The following CNTNAP5 variants were observed in gnomAD, a reference collection of about 807,000 sequenced individuals.
CNTNAP5 encodes contactin associated protein family member 5.
A neutral mutation model predicts 150.2 loss-of-function variants in CNTNAP5; 72 were observed. That is an observed-to-expected ratio of 0.48 (90% CI 0.40 to 0.58). The LOEUF (loss-of-function observed/expected upper bound fraction) is 0.58, where lower values mean the gene tolerates loss of function less well. CNTNAP5 is among the 20% of genes least tolerant of loss of function. The probability of loss-of-function intolerance (pLI) is 0.00; values close to 1 mark genes in which losing one functional copy is unlikely to be tolerated. For missense variants in CNTNAP5, 1,636 were observed against 1,626.2 expected, an observed-to-expected ratio of 1.01 and a Z score of -0.10; for synonymous variants, 672 against 619.8, an observed-to-expected ratio of 1.08 and a Z score of -1.25.
chr2:124,909,084 G>A (rs751027978), intron 22 of CNTNAP5, among the ~76,000 whole-genome samples: 1 of 152,114 alleles, frequency 6.6e-6, no homozygotes, highest in East Asian at 1.9e-4. Flanking sequence ...TAAGAGTAAA[G>A]TGTTTATAAA....
intron 12 of CNTNAP5, among the ~76,000 whole-genome samples, chr2:124,637,090 A>C (rs1677986388): frequency 6.6e-6 from 1 of 152,224 alleles, no homozygotes; most frequent in African/African-American, 2.4e-5. Context: ...CATTAATTAA[A>C]TTAATTATCC....
rs934142981 is a variant in CNTNAP5, at chr2:124,446,763, A to C, written c.744A>C (p.Lys248Asn). Residue 248 changes from lysine (K) to asparagine (N), a missense_variant, in exon 6 of 24, where the codon AAA (lysine) becomes AAC (asparagine). Lys to Asn is a moderately conservative substitution (Grantham distance 94). Coordinates refer to ENST00000682447, the MANE Select transcript of CNTNAP5 (RefSeq NM_001367498.1). Reference protein sequence around the residue: ...LALHLNLGDSKARLSSSLPSA... With the variant: ...LALHLNLGDSNARLSSSLPSA... ...CTCCCCTCTTCACAGGTGACAGCAA[A>C]GCGCGGCTCAGCAGCAGCTTGCCCT... is the stretch of plus-strand genomic sequence containing the variant. The C allele has an allele frequency of 6.2e-7, 1 of 1,613,390 alleles. No individual in the cohort carries two copies. Among genetic ancestry groups the C allele is most frequent in the Admixed American group, 1.7e-5 (1 of 59,986 alleles).
Position 124,242,279 on chromosome 2 carries a change from A to G in CNTNAP5, c.267A>G (p.Thr89=), listed in dbSNP as rs1359974184. The part of the protein sequence containing the change: ...QMDLGNRVEI[T]AVATQGRYGS... ...ACCTGGGAAACAGAGTAGAGATTAC[A>G]GCAGTGGCCACGCAGGGAAGATACG... Residue 89 remains threonine (T), a synonymous_variant, in exon 3 of 24, where the codon ACA becomes ACG. Coordinates refer to ENST00000682447, the MANE Select transcript of CNTNAP5 (RefSeq NM_001367498.1). 2 of 1,610,630 alleles carry G rather than the reference A, an allele frequency of 1.2e-6. No individual in the cohort carries two copies. The highest frequency in any genetic ancestry group is 2.2e-5 in the South Asian group (2 of 90,416).
intron 1 of CNTNAP5, among the ~76,000 whole-genome samples, chr2:124,198,324 C>A (rs1292241153): frequency 6.6e-6 from 1 of 152,058 alleles, no homozygotes; most frequent in East Asian, 1.9e-4. Context: ...CCAAAATTAT[C>A]TTTCAATCTG....
Position 124,262,535 on chromosome 2 carries a change from C to A in CNTNAP5, c.381+20142C>A, listed in dbSNP as rs186889781. ...TATTAGCAATTTATCCCCGGTTCAC[C>A]TTTTACTTCTAAATGCTAGTCAGAT... On this transcript the variant is annotated intron_variant, in intron 3 of 23. Transcript: ENST00000682447. Among the ~76,000 whole-genome samples the A allele has an allele frequency of 3.2e-4, 48 of 152,138 alleles. No individual in the cohort carries two copies. The Middle Eastern group carries it at 0.02, about 65-fold the overall frequency.
At chr2:124,869,509 G>C (rs368016470) in intron 20 of CNTNAP5, among the ~76,000 whole-genome samples, 166 bp from the exon 21 acceptor site, 1 of 152,120 alleles carries the variant, frequency 6.6e-6, no homozygotes, top group Admixed American at 6.6e-5. Flanking sequence ...TTTTATGTGC[G>C]TTGTGGGCAA....
intron 3 of CNTNAP5, among the ~76,000 whole-genome samples, chr2:124,258,214 G>C (rs751646510): frequency 1.3e-5 from 2 of 152,112 alleles, no homozygotes; most frequent in South Asian, 4.1e-4. Flanking sequence ...GCCTAGAGTC[G>C]TCAGGGGAAA....
intron 1 of CNTNAP5, among the ~76,000 whole-genome samples, chr2:124,026,844 C>A (rs1020021824): frequency 3.3e-5 from 5 of 152,206 alleles, no homozygotes; most frequent in Non-Finnish European, 7.3e-5. Flanking sequence ...CACATAGGGA[C>A]CTTTCTACCT....
At chr2:124,431,840 C>G (rs916060634) in intron 4 of CNTNAP5, among the ~76,000 whole-genome samples, 1 of 151,820 alleles carries the variant, frequency 6.6e-6, no homozygotes, top group African/African-American at 2.4e-5. Flanking sequence ...AAGTGAGGCC[C>G]TTAGTTTTGA....
intron 6 of CNTNAP5, among the ~76,000 whole-genome samples, chr2:124,449,067 A>AT: frequency 6.6e-6 from 1 of 152,156 alleles, no homozygotes; most frequent in Non-Finnish European, 1.5e-5. Flanking sequence ...ATCGGGACTT[A>AT]TTTTTTCAAT....
At chr2:124,094,889 C>A (rs1482102515) in intron 1 of CNTNAP5, among the ~76,000 whole-genome samples, 1 of 152,130 alleles carries the variant, frequency 6.6e-6, no homozygotes, top group Non-Finnish European at 1.5e-5. Flanking sequence ...TGGAACAGTA[C>A]AGGGAAAATC....
chr2:124,125,498 G>A (rs879162014), intron 1 of CNTNAP5, among the ~76,000 whole-genome samples: 1 of 152,120 alleles, frequency 6.6e-6, no homozygotes, highest in African/African-American at 2.4e-5. Context: ...ACATTAGACA[G>A]ATCAACGAGA....
At chr2:124,169,590 C>T (rs904816358) in intron 1 of CNTNAP5, among the ~76,000 whole-genome samples, 8 of 152,154 alleles carry the variant, frequency 5.3e-5, no homozygotes, top group African/African-American at 1.9e-4. Context: ...TGCAATGGTG[C>T]ACTTCCAGCA....
chr2:124,071,798 A>G (rs1558745083), intron 1 of CNTNAP5, among the ~76,000 whole-genome samples: 6 of 152,016 alleles, frequency 3.9e-5, no homozygotes, highest in Admixed American at 3.9e-4. Flanking sequence ...TTGAAGAAGA[A>G]CTGATACCAA....
chr2:124,371,456 C>A (rs1690523796), intron 3 of CNTNAP5, among the ~76,000 whole-genome samples: 1 of 152,058 alleles, frequency 6.6e-6, no homozygotes, highest in East Asian at 1.9e-4. Flanking sequence ...AGACAACATG[C>A]AACATGGGAG....
At chr2:124,852,885 G>T (rs747112693) in intron 19 of CNTNAP5, among the ~76,000 whole-genome samples, 3 of 152,194 alleles carry the variant, frequency 2.0e-5, no homozygotes, top group Admixed American at 6.5e-5. Flanking sequence ...AAAGAAACAA[G>T]TATGGCTCCT....
At chr2:124,487,293 G>A (rs188004149) in intron 7 of CNTNAP5, among the ~76,000 whole-genome samples, 7 of 152,242 alleles carry the variant, frequency 4.6e-5, no homozygotes, top group Non-Finnish European at 1.0e-4. Context: ...GATCATTTAA[G>A]TATAAAAAAT....
rs958165033 is a variant in CNTNAP5 at position 124,713,253 on chromosome 2, C to G, written c.2078-33976C>G. Among the ~76,000 whole-genome samples the G allele has an allele frequency of 2.1e-4, 20 of 97,382 alleles. 2 individuals are homozygous for G. Among genetic ancestry groups the G allele is most frequent in the Admixed American group, 8.8e-4 (8 of 9,082 alleles). The allele number at this position is 97,382 out of a possible 152,430, so 63.9% of individuals were successfully genotyped here. On this transcript the variant is annotated intron_variant, in intron 13 of 23. Transcript: ENST00000682447. ...TTTCTTTCTTTCTTTCTCTTTCTTTCTTTCTTTCTTTCTTTCTTTCTTTCT... is the reference window on the plus strand; with the variant it reads ...TTTCTTTCTTTCTTTCTCTTTCTTTGTTTCTTTCTTTCTTTCTTTCTTTCT...
intron 13 of CNTNAP5, among the ~76,000 whole-genome samples, chr2:124,673,131 G>T (rs2105059564): frequency 6.6e-6 from 1 of 152,136 alleles, no homozygotes; most frequent in African/African-American, 2.4e-5. Context: ...TAGTAAACCT[G>T]GCAAATAATA....
Sources: allele counts gnomAD v4.1 joint callset (sites outside exome capture counted in the v4.1 genomes callset), GRCh38; gene constraint gnomAD v4.1.1; transcripts MANE v1.5; gene names NCBI Gene and HGNC (gene_info 2026-07-23, HGNC 2026-07-21).